The following SERINC5 variants were observed in gnomAD, a reference collection of about 807,000 sequenced individuals.
SERINC5 encodes the protein serine incorporator 5.
Under a neutral mutation model 63.1 loss-of-function variants are expected in SERINC5, and 41 were observed. The observed-to-expected ratio is 0.65, with a 90% confidence interval of 0.51 to 0.84. The LOEUF (loss-of-function observed/expected upper bound fraction) is 0.84, where lower values mean the gene tolerates loss of function less well. Ranked by LOEUF, SERINC5 falls within the 40% of genes least tolerant of loss-of-function variation. The pLI is 0.00. For synonymous variants in SERINC5, 222 were observed against 215.2 expected (o/e 1.03, Z -0.28); for missense variants, 523 against 573.0 (o/e 0.91, Z 0.89).
intron 1 of SERINC5, among the ~76,000 whole-genome samples, chr5:80,207,618 TC>T (rs1467630398): frequency 2.0e-5 from 3 of 152,202 alleles, no homozygotes; most frequent in African/African-American, 7.2e-5. Flanking sequence ...GATCTGATTT[TC>T]CAAATTTCAT....
chr5:80,244,909 G>A (rs966410161), intron 1 of SERINC5, among the ~76,000 whole-genome samples: 1 of 151,980 alleles, frequency 6.6e-6, no homozygotes, highest in Non-Finnish European at 1.5e-5. Flanking sequence ...ATCCAGCCTC[G>A]ACCTCCTGGG....
chr5:80,140,177 G>T lies in SERINC5; in HGVS notation c.*3486C>A. On this transcript the variant is annotated 3_prime_UTR_variant, in exon 12 of 12. Transcript: ENST00000507668. ...TCTACAAAAAAATAAAAATCGGCCA[G>T]GTGTGATGGGGCAAACCTGTGGTCT... 1 of 731,334 alleles carries T rather than the reference G, an allele frequency of 1.4e-6. No individual in the cohort carries two copies. The highest frequency in any genetic ancestry group is 6.1e-5 in the South Asian group (1 of 16,262). The allele number at this position is 731,334 out of a possible 1,614,324, so 45.3% of individuals were successfully genotyped here.
chr5:80,119,145 T>C (rs1296828282), intron 11 of SERINC5, among the ~76,000 whole-genome samples: 1 of 152,148 alleles, frequency 6.6e-6, no homozygotes, highest in Admixed American at 6.5e-5. Flanking sequence ...ATGCCAATAA[T>C]GCTATGTCCC....
intron 1 of SERINC5, among the ~76,000 whole-genome samples, chr5:80,240,617 C>T (rs1580211822): frequency 1.3e-5 from 2 of 152,042 alleles, no homozygotes; most frequent in East Asian, 3.8e-4. Context: ...TACATTCATT[C>T]TTAAAAATTA....
chr5:80,165,490 T>G (rs558448426), intron 7 of SERINC5, among the ~76,000 whole-genome samples: 21 of 152,334 alleles, frequency 1.4e-4, no homozygotes, highest in African/African-American at 4.8e-4. Context: ...ATATTTACAT[T>G]TATACATCAC....
chr5:80,254,735 C>T (rs1454807585), intron 1 of SERINC5, among the ~76,000 whole-genome samples: 2 of 152,182 alleles, frequency 1.3e-5, no homozygotes, highest in Admixed American at 6.5e-5. Flanking sequence ...ATCATTTCGT[C>T]TCAGTCGTCA....
At chr5:80,171,165 A>T (rs1747629678) in intron 5 of SERINC5, among the ~76,000 whole-genome samples, 1 of 151,930 alleles carries the variant, frequency 6.6e-6, no homozygotes. Context: ...ATCCACCACC[A>T]TGCCGGGCTA....
At chr5:80,137,720 T>C (rs1022138249), downstream of SERINC5, among the ~76,000 whole-genome samples, 111 of 150,740 alleles carry the variant, frequency 7.4e-4, no homozygotes, top group Non-Finnish European at 1.2e-3. Flanking sequence ...GGCAGGATGA[T>C]TGCTTGAGGT....
chr5:80,204,731 T>C (rs1580165930), intron 1 of SERINC5, among the ~76,000 whole-genome samples: 1 of 151,498 alleles, frequency 6.6e-6, no homozygotes, highest in Non-Finnish European at 1.5e-5. Context: ...GGGAAGAACA[T>C]GAAAAACAAA....
chr5:80,172,074 G>A (rs10035380), intron 5 of SERINC5, among the ~76,000 whole-genome samples: 11,803 of 152,244 alleles, frequency 0.078, 582 homozygotes, highest in African/African-American at 0.13. Flanking sequence ...GCTCATGCCT[G>A]TAATCCCAGC....
chr5:80,229,864 C>T (rs929555201), intron 1 of SERINC5, among the ~76,000 whole-genome samples: 2 of 152,192 alleles, frequency 1.3e-5, no homozygotes, highest in African/African-American at 4.8e-5. Context: ...GTTCCTACAT[C>T]ATAGGATTAT....
intron 11 of SERINC5, among the ~76,000 whole-genome samples, chr5:80,114,238 T>G (rs1240135982): frequency 6.6e-6 from 1 of 152,004 alleles, no homozygotes; most frequent in East Asian, 1.9e-4. Flanking sequence ...GACTCACAGT[T>G]CTGCATGGCT....
At position 80,251,098 on chromosome 5, in the gene SERINC5, C is replaced by T. The variant is rs1035562277; in HGVS notation, c.27+4798G>A. Among the ~76,000 whole-genome samples the T allele has an allele frequency of 7.2e-5, 11 of 152,168 alleles. No individual in the cohort carries two copies. The East Asian group carries it at 2.1e-3, about 29-fold the overall frequency. On this transcript the variant is annotated intron_variant, in intron 1 of 11. Transcript: ENST00000507668. ...AGTTTTACTAGCCTGGGCAGCAAAG[C>T]CAGACCCAGTCTCTACAAAAATTTT...
chr5:80,222,561 A>AGTGAGTGTGTGT (rs1554070044), intron 1 of SERINC5, among the ~76,000 whole-genome samples: 19 of 146,318 alleles, frequency 1.3e-4, no homozygotes, highest in Non-Finnish European at 2.0e-4. Flanking sequence ...TGAGTGTGTG[A>AGTGAGTGTGTGT]GTGTGTGAGT....
At chr5:80,226,232 A>AT (rs1751160207) in intron 1 of SERINC5, among the ~76,000 whole-genome samples, 2 of 151,990 alleles carry the variant, frequency 1.3e-5, no homozygotes, top group South Asian at 2.1e-4. Context: ...AATTTTTTGT[A>AT]TTTTTTAGTA....
At chr5:80,244,776 C>T (rs1017964948) in intron 1 of SERINC5, among the ~76,000 whole-genome samples, 8 of 152,162 alleles carry the variant, frequency 5.3e-5, no homozygotes, top group Admixed American at 1.3e-4. Flanking sequence ...GAGCTGAGAT[C>T]GTGCCATTGC....
At chr5:80,162,527 C>T (rs115169880) in intron 7 of SERINC5, among the ~76,000 whole-genome samples, 1,828 of 152,184 alleles carry the variant, frequency 0.012, 42 homozygotes, top group African/African-American at 0.042. Flanking sequence ...GTGCATGCCA[C>T]CACACTCAGC....
chr5:80,167,392 G>T (rs534890428), intron 6 of SERINC5, among the ~76,000 whole-genome samples: 1 of 152,208 alleles, frequency 6.6e-6, no homozygotes, highest in South Asian at 2.1e-4. Flanking sequence ...CCCCATCCAC[G>T]TTCCTGCAAA....
chr5:80,168,948 A>T (rs1265665304), intron 6 of SERINC5, among the ~76,000 whole-genome samples: 1 of 152,206 alleles, frequency 6.6e-6, no homozygotes, highest in African/African-American at 2.4e-5. Context: ...AGATGACCCC[A>T]GAACCAACCC....
Sources: allele counts gnomAD v4.1 joint callset (sites outside exome capture counted in the v4.1 genomes callset), GRCh38; gene constraint gnomAD v4.1.1; transcripts MANE v1.5; gene names NCBI Gene and HGNC (gene_info 2026-07-23, HGNC 2026-07-21).